The following TTC21B variants were observed in gnomAD, a reference collection of about 807,000 sequenced individuals.
TTC21B encodes the protein tetratricopeptide repeat protein 21B.
Under a neutral mutation model 175.1 loss-of-function variants are expected in TTC21B, and 127 were observed. The observed-to-expected ratio is 0.73, with a 90% CI of 0.63 to 0.84. TTC21B has a LOEUF of 0.84. Ranked by LOEUF, TTC21B falls within the 40% of genes least tolerant of loss-of-function variation. The pLI, the probability that TTC21B is intolerant of heterozygous loss-of-function variation, is 0.00. For missense variants in TTC21B, 1,561 were observed against 1,558.3 expected (o/e 1.00, Z -0.03); for synonymous variants, 524 against 524.5 (o/e 1.00, Z 0.01).
chr2:165,915,468 C>A, intron 14 of TTC21B, 29 bp from the exon 15 acceptor site: 1 of 1,542,066 alleles, frequency 6.5e-7, no homozygotes, highest in Non-Finnish European at 9.0e-7. Flanking sequence ...AATAATCATT[C>A]TTCCAAAATA....
chr2:165,897,342 T>C (rs1476125785), intron 22 of TTC21B, among the ~76,000 whole-genome samples: 1 of 152,064 alleles, frequency 6.6e-6, no homozygotes, highest in East Asian at 1.9e-4. Flanking sequence ...TGGTAAAAAG[T>C]GATGGCATTC....
chr2:165,891,996 G>C (rs1685211913), intron 22 of TTC21B, among the ~76,000 whole-genome samples: 1 of 151,878 alleles, frequency 6.6e-6, no homozygotes, highest in African/African-American at 2.4e-5. Flanking sequence ...GGTTTTGATT[G>C]GTTTTAATGT....
chr2:165,924,580 G>C lies in TTC21B; in HGVS notation c.1485C>G (p.Val495=). ...AATATTTCACTTTTGCTATTAGGAA[G>C]ACTGTTTGCAGAAGACCTGGAACAG... The part of the protein sequence containing the change: ...VRTVPGLLQT[V]FLIAKVKYLS... The change falls in exon 12 of 29, where the codon GTC becomes GTG. Residue 495 remains valine, a synonymous_variant. Transcript: ENST00000243344. The C allele has an allele frequency of 6.2e-7, 1 of 1,613,726 alleles. No homozygotes were observed.
At position 165,915,405 on chromosome 2, in the gene TTC21B, T is replaced by C. The variant is rs200291881; in HGVS notation, c.1934A>G (p.His645Arg). 8.7e-6 allele frequency: 14 copies of C among 1,614,150 alleles called. No homozygotes were observed. Among genetic ancestry groups the C allele is most frequent in the Non-Finnish European group, 1.0e-5 (12 of 1,179,998 alleles). The change falls in exon 15 of 29, where the codon CAT (histidine) becomes CGT (arginine). Residue 645 changes from histidine to arginine, a missense_variant. His to Arg is a conservative substitution (Grantham distance 29). Coordinates refer to ENST00000243344, the MANE Select transcript of TTC21B (RefSeq NM_024753.5). ...TTCTTCAGATGTTCCAGAAAATTCA[T>C]GGATGGCATCTTGTAAAACTTTGGT... is the stretch of plus-strand genomic sequence containing the variant. ...EATKVLQDAI[H>R]EFSGTSEEVR...
At chr2:165,895,225 T>C (rs1685323872) in intron 22 of TTC21B, among the ~76,000 whole-genome samples, 2 of 152,160 alleles carry the variant, frequency 1.3e-5, no homozygotes, top group Non-Finnish European at 2.9e-5. Flanking sequence ...TGTCATTTGG[T>C]GTTGCTGGAG....
chr2:165,917,521 A>C, intron 13 of TTC21B, 40 bp from the exon 14 acceptor site: 1 of 1,430,878 alleles, frequency 7.0e-7, no homozygotes, highest in South Asian at 1.1e-5. Flanking sequence ...AGTGCTTACA[A>C]CATCAACACA....
intron 20 of TTC21B, 39 bp downstream of exon 20, chr2:165,901,683 T>A (rs773788410): frequency 1.3e-6 from 2 of 1,572,058 alleles, no homozygotes; most frequent in Non-Finnish European, 1.8e-6. Flanking sequence ...AGAAGACATC[T>A]GGAATAAAAG....
rs1447827340 is a variant in TTC21B at position 165,914,912 on chromosome 2, G to T, written c.2138+289C>A. Among the ~76,000 whole-genome samples, 5 of 151,964 alleles carry T rather than the reference G, an allele frequency of 3.3e-5. No homozygotes were observed. In the South Asian group the frequency reaches 1.0e-3, roughly 31 times the overall value. ...TGCTCTTAAGTTATTAGAACACAGG[G>T]TACAATTTCCCTTCTCAAACAGGAA... On this transcript the variant is annotated intron_variant, in intron 15 of 28. Coordinates refer to ENST00000243344, the MANE Select transcript of TTC21B (RefSeq NM_024753.5).
chr2:165,940,884 A>T, intron 6 of TTC21B, 143 bp downstream of exon 6: 2 of 813,196 alleles, frequency 2.5e-6, no homozygotes, highest in South Asian at 3.3e-5. Flanking sequence ...TAAAAGCAGT[A>T]TGATTTTAAG....
rs376866058 is a variant in TTC21B, at chr2:165,888,393, A to G, written c.3345T>C (p.Thr1115=). Residue 1115 remains threonine, a synonymous_variant, in exon 25 of 29, where the codon ACT becomes ACC. Coordinates refer to ENST00000243344, the MANE Select transcript of TTC21B (RefSeq NM_024753.5). The part of the protein sequence containing the change: ...EKLLKELKPQ[T]VQGHVQLRIM... ...TGCGAAGCTGTACGTGACCCTGAAC[A>G]GTCTGAGGTTTTAGTTCCTTAAGAA... 18 of 1,613,794 alleles carry G rather than the reference A, an allele frequency of 1.1e-5. No individual in the cohort carries two copies. In the African/African-American group the frequency reaches 1.7e-4, roughly 16 times the overall value.
chr2:165,953,032 T>C (rs1294186046), intron 1 of TTC21B, among the ~76,000 whole-genome samples: 1 of 152,238 alleles, frequency 6.6e-6, no homozygotes, highest in African/African-American at 2.4e-5. Context: ...CTCCAGCTTC[T>C]AATGGACATA....
intron 14 of TTC21B, among the ~76,000 whole-genome samples, chr2:165,916,318 T>C (rs1487094106): frequency 2.0e-5 from 3 of 152,172 alleles, no homozygotes; most frequent in South Asian, 4.1e-4. Flanking sequence ...TATTTAGAAA[T>C]ACAGCCTTCT....
chr2:165,949,685 G>T lies in TTC21B; in HGVS notation c.61C>A (p.His21Asn), dbSNP rs1232978941. 3 of 1,612,178 alleles carry T rather than the reference G, an allele frequency of 1.9e-6. No homozygotes were observed. Among genetic ancestry groups the T allele is most frequent in the Non-Finnish European group, 2.5e-6 (3 of 1,178,862 alleles). Residue 21 changes from histidine to asparagine, a missense_variant, in exon 2 of 29, where the codon CAT becomes AAT. Transcript: ENST00000243344. ...NYYCQERYFH[H>N]VLLVASEGIK... ...CCTTCACTGGCAACCAGTAATACAT[G>T]ATGGAAATATCTCTCTTGACAATAG...
At position 165,952,365 on chromosome 2, in the gene TTC21B, A is replaced by ATT. The variant is rs142856469; in HGVS notation, c.21+1319_21+1320insAA. ...AGTATTGTCTATGGCTGTTTTGAACAAGCCAATTAGATGTGATAGACCATA... is the reference window on the plus strand; with the variant it reads ...AGTATTGTCTATGGCTGTTTTGAACATTAGCCAATTAGATGTGATAGACCATA... On this transcript the variant is annotated intron_variant, in intron 1 of 28. Coordinates refer to ENST00000243344, the MANE Select transcript of TTC21B (RefSeq NM_024753.5). Among the ~76,000 whole-genome samples, 5 of 17,156 alleles carry ATT rather than the reference A, an allele frequency of 2.9e-4. No homozygotes were observed. In the East Asian group the frequency reaches 0.23, roughly 780 times the overall value. The allele number at this position is 17,156 out of a possible 152,430, so 11.3% of individuals were successfully genotyped here.
chr2:165,947,677 T>A (rs1687631811), intron 3 of TTC21B: 1 of 152,156 alleles, frequency 6.6e-6, no homozygotes, highest in South Asian at 2.1e-4. Context: ...TGCACAAAGT[T>A]GTTGAAAGAT....
At chr2:165,904,304 ATTGT>A (rs1013695422) in intron 19 of TTC21B, among the ~76,000 whole-genome samples, 10 of 152,232 alleles carry the variant, frequency 6.6e-5, no homozygotes, top group Admixed American at 1.3e-4. Flanking sequence ...AGATATTAAT[ATTGT>A]TTAAGATTAC....
chr2:165,936,983 T>C (rs574254332), intron 6 of TTC21B, among the ~76,000 whole-genome samples: 24 of 152,180 alleles, frequency 1.6e-4, no homozygotes, highest in Middle Eastern at 3.4e-3. Flanking sequence ...CTGATGTCCA[T>C]ACAAAAACCT....
rs1685082329 is a variant in TTC21B, at chr2:165,888,463, T to G, written c.3275A>C (p.Glu1092Ala). Residue 1092 changes from glutamate to alanine, a missense_variant, in exon 25 of 29, where the codon GAG (glutamate) becomes GCG (alanine). By Grantham distance (107) the Glu-to-Ala change is moderately radical (BLOSUM62 -1). Coordinates refer to ENST00000243344, the MANE Select transcript of TTC21B (RefSeq NM_024753.5). ...TGCCAGTTGCACAGATTCTTGCTTCTCAGTTGAATTACTGTATATAATTAA... is the reference window on the plus strand; with the variant it reads ...TGCCAGTTGCACAGATTCTTGCTTCGCAGTTGAATTACTGTATATAATTAA... ...NLDGDLGNST[E>A]KQESVQLAVR... 1 of 1,612,240 alleles carries G rather than the reference T, an allele frequency of 6.2e-7. No individual in the cohort carries two copies. Among genetic ancestry groups the G allele is most frequent in the African/African-American group, 1.3e-5 (1 of 75,018 alleles).
chr2:165,931,745 T>C lies in TTC21B; in HGVS notation c.894+13A>G, dbSNP rs780758585. The C allele has an allele frequency of 5.0e-6, 8 of 1,602,232 alleles. No individual in the cohort carries two copies. In the Admixed American group the frequency reaches 5.0e-5, roughly 10 times the overall value. On this transcript the variant is annotated intron_variant, in intron 8 of 28. Transcript: ENST00000243344. ...TAGATAACAGAGCTCTGGTACATGG[T>C]AGGCACTCTCACAGTTCTGCTGAAG... is the stretch of plus-strand genomic sequence containing the variant.
Sources: gnomAD v4.1 joint callset for allele counts (sites outside exome capture counted in the v4.1 genomes callset) on GRCh38, gnomAD v4.1.1 for gene constraint, MANE v1.5 for transcripts, NCBI Gene and HGNC (gene_info 2026-07-23, HGNC 2026-07-21) for gene names.